Variants in CTNNA3 observed in about 807,000 individuals in gnomAD.
CTNNA3 encodes catenin alpha-3.
In CTNNA3, 76 loss-of-function variants were observed where a neutral mutation model predicts 95.7. That is an observed-to-expected ratio of 0.79 (90% CI 0.66 to 0.96). The LOEUF (loss-of-function observed/expected upper bound fraction) is 0.96, where lower values mean the gene tolerates loss of function less well. Among genes scored for constraint, CTNNA3 ranks in the 40% least tolerant of loss-of-function variants. The probability of loss-of-function intolerance (pLI) is 0.00; values close to 1 mark genes in which losing one functional copy is unlikely to be tolerated. For synonymous variants in CTNNA3, 431 were observed against 374.4 expected, an observed-to-expected ratio of 1.15 and a Z score of -1.74; for missense variants, 1,191 against 1,089.8, an observed-to-expected ratio of 1.09 and a Z score of -1.31.
chr10:67,035,111 T>C (rs1853967603), intron 7 of CTNNA3, among the ~76,000 whole-genome samples: 1 of 152,254 alleles, frequency 6.6e-6, no homozygotes, highest in Non-Finnish European at 1.5e-5. Context: ...TATTGAATTA[T>C]CTGTGCATAT....
intron 7 of CTNNA3, among the ~76,000 whole-genome samples, chr10:66,852,176 C>T (rs1403137423): frequency 6.6e-6 from 1 of 152,082 alleles, no homozygotes; most frequent in African/African-American, 2.4e-5. Context: ...AAGTATGGTA[C>T]TTGATTATAT....
Position 67,197,762 on chromosome 10 carries a change from T to C in CTNNA3, c.844-17242A>G, listed in dbSNP as rs141688445. 7.5e-3 allele frequency among the ~76,000 whole-genome samples: 1,144 copies of C among 152,242 alleles called. 16 individuals are homozygous for C. The highest frequency in any genetic ancestry group is 0.026 in the African/African-American group (1,084 of 41,560). On this transcript the variant is annotated intron_variant, in intron 6 of 17. Coordinates refer to ENST00000433211, the MANE Select transcript of CTNNA3 (RefSeq NM_013266.4). ...TCCTGGAGTTTAATATCCAGTTAAA[T>C]AGAAATTAACTCAAATGTTTCTAAG... is the stretch of plus-strand genomic sequence containing the variant.
intron 7 of CTNNA3, among the ~76,000 whole-genome samples, chr10:66,786,710 T>C (rs1840760589): frequency 6.6e-6 from 1 of 152,200 alleles, no homozygotes; most frequent in Non-Finnish European, 1.5e-5. Flanking sequence ...TTAGTTATTT[T>C]AGTTTTAAAT....
In CTNNA3 at chr10:66,250,244, G is replaced by T. The variant is rs180977154; in HGVS notation, c.1884+30226C>A. Among the ~76,000 whole-genome samples, 87 of 152,096 alleles carry T rather than the reference G, an allele frequency of 5.7e-4. 2 individuals carry two copies. The highest frequency in any genetic ancestry group is 4.4e-3 in the Admixed American group (67 of 15,262). ...ATCAATTGAATTCGTGGAGATAGAGGGTAGAAGAATAGTTACCAGAAGCTG... is the reference window on the plus strand; with the variant it reads ...ATCAATTGAATTCGTGGAGATAGAGTGTAGAAGAATAGTTACCAGAAGCTG... On this transcript the variant is annotated intron_variant, in intron 13 of 17. Coordinates refer to ENST00000433211, the MANE Select transcript of CTNNA3 (RefSeq NM_013266.4).
intron 1 of CTNNA3, among the ~76,000 whole-genome samples, chr10:67,681,007 T>C (rs563834525): frequency 6.6e-6 from 1 of 152,254 alleles, no homozygotes; most frequent in East Asian, 1.9e-4. Context: ...ATGATACCAA[T>C]AAAAATTTTT....
intron 6 of CTNNA3, among the ~76,000 whole-genome samples, chr10:67,199,761 A>G (rs1045328249): frequency 2.0e-5 from 3 of 152,192 alleles, no homozygotes; most frequent in African/African-American, 7.2e-5. Flanking sequence ...TCAGAATGAA[A>G]TTAATGTTGA....
intron 10 of CTNNA3, among the ~76,000 whole-genome samples, chr10:66,612,159 C>A (rs529091690): frequency 6.6e-6 from 1 of 152,210 alleles, no homozygotes; most frequent in East Asian, 1.9e-4. Context: ...AATTTGTTTT[C>A]AGTTTCTGAT....
rs186701966 is a variant in CTNNA3, at chr10:67,460,301, T to C, written c.579+61541A>G. The stretch of plus-strand genomic sequence containing the variant: ...AATTGATGTTATTTCCAGGACATAG[T>C]CCCTGGGTGTGGAAACCAGTTGTGT... On this transcript the variant is annotated intron_variant, in intron 5 of 17. Coordinates refer to ENST00000433211, the MANE Select transcript of CTNNA3 (RefSeq NM_013266.4). Among the ~76,000 whole-genome samples the C allele has an allele frequency of 9.2e-4, 140 of 152,290 alleles. 2 individuals carry two copies. The highest frequency in any genetic ancestry group is 2.7e-3 in the Admixed American group (42 of 15,278).
intron 10 of CTNNA3, among the ~76,000 whole-genome samples, chr10:66,560,921 A>G (rs1262836339): frequency 6.6e-6 from 1 of 151,982 alleles, no homozygotes; most frequent in African/African-American, 2.4e-5. Flanking sequence ...TTTGTAAACC[A>G]GTAAGTGGAC....
At chr10:67,628,136 T>C (rs1839020074) in intron 2 of CTNNA3, among the ~76,000 whole-genome samples, 1 of 151,360 alleles carries the variant, frequency 6.6e-6, no homozygotes, top group Non-Finnish European at 1.5e-5. Flanking sequence ...AACTGAGCCT[T>C]AAAATCAAAA....
At chr10:66,788,041 T>A (rs1428020238) in intron 7 of CTNNA3, among the ~76,000 whole-genome samples, 1 of 152,192 alleles carries the variant, frequency 6.6e-6, no homozygotes, top group Non-Finnish European at 1.5e-5. Context: ...CTATTCTTCA[T>A]CTTAGGTTTA....
rs142510944 is a variant in CTNNA3, at chr10:66,980,481, A to G, written c.1047+199836T>C. On this transcript the variant is annotated intron_variant, in intron 7 of 17. Coordinates refer to ENST00000433211, the MANE Select transcript of CTNNA3 (RefSeq NM_013266.4). ...TCCCAAGCAAAAATCAGAATTGAAC[A>G]GGAACCAAAACTATTGAGACCTTCC... Among the ~76,000 whole-genome samples, 408 of 129,878 alleles carry G rather than the reference A, an allele frequency of 3.1e-3. 3 individuals are homozygous for G. Among genetic ancestry groups the G allele is most frequent in the Non-Finnish European group, 4.8e-3 (281 of 58,686 alleles). 85.2% of individuals were successfully genotyped at this position (129,878 alleles called of 152,430 possible).
chr10:67,199,176 A>G (rs551020650), intron 6 of CTNNA3, among the ~76,000 whole-genome samples: 1 of 152,312 alleles, frequency 6.6e-6, no homozygotes, highest in South Asian at 2.1e-4. Flanking sequence ...ACAGTTTGCT[A>G]AACACTCTTG....
Position 67,606,718 on chromosome 10 carries a change from TC to T in CTNNA3, c.292+138del, listed in dbSNP as rs1409875616. ...GAGCTGTCTAATGAGCCACTCTGCC[TC>T]CCACAGCTAGCTCCTCACAGCTCTG... On this transcript the variant is annotated intron_variant, in intron 3 of 17. Coordinates refer to ENST00000433211, the MANE Select transcript of CTNNA3 (RefSeq NM_013266.4). 7.7e-6 allele frequency: 5 copies of T among 647,636 alleles called. No homozygotes were observed. In the African/African-American group the frequency reaches 9.2e-5, roughly 12 times the overall value. The allele number at this position is 647,636 out of a possible 1,614,324, so 40.1% of individuals were successfully genotyped here.
intron 17 of CTNNA3, among the ~76,000 whole-genome samples, chr10:65,941,013 T>C (rs766311976): frequency 3.3e-5 from 5 of 152,204 alleles, no homozygotes; most frequent in Non-Finnish European, 5.9e-5. Context: ...CTTATGGATA[T>C]AGATAAGAAA....
intron 6 of CTNNA3, among the ~76,000 whole-genome samples, chr10:67,193,544 A>G (rs1196271180): frequency 1.3e-5 from 2 of 151,642 alleles, no homozygotes. Context: ...GTTTCCCTTT[A>G]TGTGTTCTCA....
intron 11 of CTNNA3, among the ~76,000 whole-genome samples, chr10:66,415,218 A>T (rs935503011): frequency 2.0e-5 from 3 of 152,028 alleles, no homozygotes; most frequent in Non-Finnish European, 2.9e-5. Context: ...TTTCCCCATC[A>T]TCCCCATGCC....
chr10:66,970,502 T>TGGGGGGGGGG (rs11367465), intron 7 of CTNNA3, among the ~76,000 whole-genome samples: 2 of 138,514 alleles, frequency 1.4e-5, no homozygotes, highest in African/African-American at 2.6e-5. Context: ...TATTCTTGGG[T>TGGGGGGGGGG]GGGGGGGGGA....
At chr10:66,532,582 A>C (rs1037003143) in intron 10 of CTNNA3, among the ~76,000 whole-genome samples, 2 of 152,182 alleles carry the variant, frequency 1.3e-5, no homozygotes, top group Non-Finnish European at 1.5e-5. Flanking sequence ...ACATAACATT[A>C]AGAAATTTAA....
Sources: allele counts gnomAD v4.1 joint callset (sites outside exome capture counted in the v4.1 genomes callset), GRCh38; gene constraint gnomAD v4.1.1; transcripts MANE v1.5; gene names NCBI Gene and HGNC (gene_info 2026-07-23, HGNC 2026-07-21).